LARGE1: variants seen among roughly 807,000 people sequenced by gnomAD.
LARGE1 encodes the protein LARGE xylosyl- and glucuronyltransferase 1, also known as xylosyl- and glucuronyltransferase LARGE1.
LARGE1 carries 43 observed loss-of-function variants against 87.6 expected under a neutral mutation model. That is an observed-to-expected ratio of 0.49 (90% CI 0.38 to 0.63). LARGE1 has a LOEUF of 0.63. Ranked by LOEUF, LARGE1 falls within the 30% of genes least tolerant of loss-of-function variation. The pLI is 0.00. For synonymous variants in LARGE1, 434 were observed against 394.6 expected, an observed-to-expected ratio of 1.10 and a Z score of -1.18; for missense variants, 802 against 1,000.2, an observed-to-expected ratio of 0.80 and a Z score of 2.67.
chr22:33,777,661 AG>A (rs1177523811), intron 1 of LARGE1, among the ~76,000 whole-genome samples: 1 of 8,530 alleles, frequency 1.2e-4, no homozygotes, highest in African/African-American at 6.0e-4. Flanking sequence ...GGGGAGGGGG[AG>A]GGGAAGGGGA....
chr22:33,912,459 A>G (rs747868941), intron 1 of LARGE1, among the ~76,000 whole-genome samples: 3 of 152,202 alleles, frequency 2.0e-5, no homozygotes, highest in Non-Finnish European at 4.4e-5. Flanking sequence ...AGCTGGAAAG[A>G]TCGGCAAGTC....
At chr22:33,328,760 T>C (rs1937461406) in intron 10 of LARGE1, among the ~76,000 whole-genome samples, 1 of 152,132 alleles carries the variant, frequency 6.6e-6, no homozygotes, top group Non-Finnish European at 1.5e-5. Context: ...TACATTAATA[T>C]GACATACATA....
rs561408559 is a variant in LARGE1, at chr22:33,181,899, C to T, written c.1731-15067G>A. Among the ~76,000 whole-genome samples, 12 of 144,950 alleles carry T rather than the reference C, an allele frequency of 8.3e-5. No individual in the cohort carries two copies. The East Asian group carries it at 1.9e-3, about 22-fold the overall frequency. On this transcript the variant is annotated intron_variant, in intron 11 of 11. Coordinates refer to the LARGE1 transcript ENST00000608642. ...AGGCTGTAATGCAGTGGCACGATCT[C>T]GGCCGCCTCAGCCTCCCGGTTCAAG...
intron 6 of LARGE1, among the ~76,000 whole-genome samples, chr22:33,442,604 T>C (rs2147835547): frequency 6.6e-6 from 1 of 152,244 alleles, no homozygotes; most frequent in Non-Finnish European, 1.5e-5. Flanking sequence ...CCAACCTGAT[T>C]GGGAGCTCTC....
chr22:33,434,120 T>G (rs946871917), intron 6 of LARGE1, among the ~76,000 whole-genome samples: 1 of 152,162 alleles, frequency 6.6e-6, no homozygotes, highest in South Asian at 2.1e-4. Context: ...GCAGAACAAT[T>G]AGATCTGAAA....
chr22:33,674,615 C>T (rs893312114), intron 2 of LARGE1, among the ~76,000 whole-genome samples: 19 of 152,178 alleles, frequency 1.2e-4, no homozygotes, highest in Non-Finnish European at 2.1e-4. Flanking sequence ...CTGTCTCATC[C>T]ATCTCTCCCA....
intron 4 of LARGE1, among the ~76,000 whole-genome samples, chr22:33,621,073 T>C (rs2079735980): frequency 6.6e-6 from 1 of 152,228 alleles, no homozygotes; most frequent in Admixed American, 6.5e-5. Context: ...CTGAAATATA[T>C]ACGATGCATC....
chr22:33,304,002 C>T (rs1007387164), intron 12 of LARGE1, among the ~76,000 whole-genome samples: 2 of 152,258 alleles, frequency 1.3e-5, no homozygotes, highest in African/African-American at 4.8e-5. Flanking sequence ...CTGGACCAAG[C>T]TCTGCCATCA....
At chr22:33,571,753 G>A (rs2078211469) in intron 5 of LARGE1, among the ~76,000 whole-genome samples, 1 of 152,042 alleles carries the variant, frequency 6.6e-6, no homozygotes, top group Admixed American at 6.5e-5. Context: ...CCCAAAGTTT[G>A]GTGGTCCTTT....
At chr22:33,480,066 G>A (rs779906066) in intron 6 of LARGE1, among the ~76,000 whole-genome samples, 1 of 152,136 alleles carries the variant, frequency 6.6e-6, no homozygotes, top group Non-Finnish European at 1.5e-5. Flanking sequence ...TATCGGTCAA[G>A]CAATGTACAA....
At chr22:33,409,020 A>G (rs565769357) in intron 7 of LARGE1, among the ~76,000 whole-genome samples, 4 of 152,322 alleles carry the variant, frequency 2.6e-5, no homozygotes, top group South Asian at 4.1e-4. Flanking sequence ...TGTTGGCTCA[A>G]TAAGCAAAGC....
In LARGE1 at chr22:33,854,594, A is replaced by G. The variant is rs536763465; in HGVS notation, c.-83+65401T>C. Among the ~76,000 whole-genome samples, 11 of 152,344 alleles carry G rather than the reference A, an allele frequency of 7.2e-5. No individual in the cohort carries two copies. In the East Asian group the frequency reaches 2.1e-3, roughly 29 times the overall value. On this transcript the variant is annotated intron_variant, in intron 1 of 14. Coordinates refer to ENST00000397394, the MANE Select transcript of LARGE1 (RefSeq NM_133642.5). The stretch of plus-strand genomic sequence containing the variant: ...CCAAAGCAAGTAAAAATAAGACATT[A>G]TGAAGAAGATAGTCTAATCATCACA...
chr22:33,560,454 C>G (rs528627532), intron 6 of LARGE1, among the ~76,000 whole-genome samples: 1 of 152,292 alleles, frequency 6.6e-6, no homozygotes, highest in South Asian at 2.1e-4. Context: ...CACTAAGATC[C>G]TCTTAGAGGG....
At chr22:33,642,710 C>CAAAA (rs60815644) in intron 3 of LARGE1, among the ~76,000 whole-genome samples, 367 of 17,354 alleles carry the variant, frequency 0.021, 101 homozygotes, top group African/African-American at 0.069. Context: ...AAATGGAAAG[C>CAAAA]AAAAAAAAAA....
intron 11 of LARGE1, chr22:33,221,686 A>G (rs1202421932): frequency 1.3e-5 from 2 of 152,206 alleles, no homozygotes; most frequent in African/African-American, 4.8e-5. Flanking sequence ...TGTGTTTTTG[A>G]AAATTCTTGG....
chr22:33,887,232 G>C (rs2064877639), intron 1 of LARGE1, among the ~76,000 whole-genome samples: 1 of 152,162 alleles, frequency 6.6e-6, no homozygotes, highest in Admixed American at 6.5e-5. Context: ...GGGCCTTTGG[G>C]AGCTGTTCAT....
intron 6 of LARGE1, among the ~76,000 whole-genome samples, chr22:33,435,249 A>G (rs985069761): frequency 2.6e-5 from 4 of 151,818 alleles, no homozygotes; most frequent in Admixed American, 6.6e-5. Context: ...CGATCCTCCC[A>G]CCGCAGCCTC....
chr22:33,817,159 G>C (rs1168584777), intron 1 of LARGE1, among the ~76,000 whole-genome samples: 1 of 152,030 alleles, frequency 6.6e-6, no homozygotes, highest in Non-Finnish European at 1.5e-5. Flanking sequence ...GTTTCCCTAT[G>C]GTTCGCCTCT....
At chr22:33,721,759 C>G (rs1210129665) in intron 2 of LARGE1, among the ~76,000 whole-genome samples, 1 of 152,214 alleles carries the variant, frequency 6.6e-6, no homozygotes, top group African/African-American at 2.4e-5. Context: ...CAAAGAACTT[C>G]TCACAGAAGC....
Sources: allele counts gnomAD v4.1 joint callset (sites outside exome capture counted in the v4.1 genomes callset), GRCh38; gene constraint gnomAD v4.1.1; transcripts MANE v1.5; gene names NCBI Gene and HGNC (gene_info 2026-07-23, HGNC 2026-07-21).